Variants in DPYSL5 observed in about 807,000 individuals in gnomAD.
DPYSL5 encodes the protein dihydropyrimidinase-related protein 5.
In DPYSL5, 9 loss-of-function variants were observed where a neutral mutation model predicts 58.4. That is an observed-to-expected ratio of 0.15 (90% CI 0.09 to 0.27). The LOEUF (loss-of-function observed/expected upper bound fraction) is 0.27, where lower values mean the gene tolerates loss of function less well. Among genes scored for constraint, DPYSL5 ranks in the 10% least tolerant of loss-of-function variants. The pLI is 1.00. For synonymous variants in DPYSL5, 293 were observed against 301.9 expected (o/e 0.97, Z 0.31); for missense variants, 499 against 770.6 (o/e 0.65, Z 4.17).
chr2:26,852,756 AC>A (rs1449572789), intron 1 of DPYSL5, among the ~76,000 whole-genome samples: 1 of 152,204 alleles, frequency 6.6e-6, no homozygotes, highest in Non-Finnish European at 1.5e-5. Context: ...TTTTGCCATT[AC>A]TTTTAATGAC....
chr2:26,885,644 G>T (rs191912611), intron 1 of DPYSL5, among the ~76,000 whole-genome samples: 403 of 152,304 alleles, frequency 2.6e-3, no homozygotes, highest in African/African-American at 9.3e-3. Context: ...AGGACCCAGG[G>T]TGTCTCATGG....
chr2:26,941,870 G>C, intron 9 of DPYSL5, 80 bp from the exon 10 acceptor site: 2 of 1,586,888 alleles, frequency 1.3e-6, no homozygotes, highest in Non-Finnish European at 1.7e-6. Flanking sequence ...CTAAGTCCAT[G>C]GGCCAGCATC....
At chr2:26,901,401 C>CACCAAGATTTCCCCT (rs1268546968) in intron 2 of DPYSL5, among the ~76,000 whole-genome samples, 1 of 152,144 alleles carries the variant, frequency 6.6e-6, no homozygotes. Context: ...CTCCACTCCA[C>CACCAAGATTTCCCCT]ACCAAGATTT....
At chr2:26,861,025 C>T (rs1422719996) in intron 1 of DPYSL5, among the ~76,000 whole-genome samples, 1 of 152,162 alleles carries the variant, frequency 6.6e-6, no homozygotes, top group African/African-American at 2.4e-5. Flanking sequence ...CTGGCTCACC[C>T]TGTCAGAGAC....
In DPYSL5 at chr2:26,933,177, G is replaced by A. The variant is rs1665079306; in HGVS notation, c.715-81G>A. Reference sequence around the variant, plus strand: ...CGCAGGGGGAGGCGCTGGTGCCAGGGCTGACTTTGCCAGGGTTATTCTGAT... The same window carrying A: ...CGCAGGGGGAGGCGCTGGTGCCAGGACTGACTTTGCCAGGGTTATTCTGAT... On this transcript the variant is annotated intron_variant, in intron 6 of 12. Transcript: ENST00000288699. This position sits in a 1 kb window ranked among gnomAD's most constrained non-coding sequence, Gnocchi z 4.2. 2.3e-6 allele frequency: 3 copies of A among 1,324,186 alleles called. No individual in the cohort carries two copies. Among genetic ancestry groups the A allele is most frequent in the Non-Finnish European group, 3.3e-6 (3 of 916,924 alleles). The allele number at this position is 1,324,186 out of a possible 1,614,324, so 82.0% of individuals were successfully genotyped here. A position where few individuals can be genotyped will look rare whatever the true frequency, so the allele number is the denominator to read the frequency against.
chr2:26,914,908 G>A (rs2148149842), intron 2 of DPYSL5, among the ~76,000 whole-genome samples: 1 of 152,200 alleles, frequency 6.6e-6, no homozygotes, highest in Middle Eastern at 3.4e-3. Flanking sequence ...CTGTGCCTTG[G>A]TAAGAGGCTT....
At chr2:26,852,515 G>A (rs1399139838) in intron 1 of DPYSL5, among the ~76,000 whole-genome samples, 2 of 152,134 alleles carry the variant, frequency 1.3e-5, no homozygotes, top group Non-Finnish European at 2.9e-5. Context: ...TTTAAAATAA[G>A]CTGATTTAAC....
At chr2:26,912,035 G>A (rs1664452703) in intron 2 of DPYSL5, among the ~76,000 whole-genome samples, 2 of 152,234 alleles carry the variant, frequency 1.3e-5, no homozygotes, top group Non-Finnish European at 2.9e-5. Flanking sequence ...GGTTCTCACA[G>A]GACCTGAGGT....
rs114305953 is a variant in DPYSL5 at position 26,900,942 on chromosome 2, T to C, written c.261+2182T>C. Among the ~76,000 whole-genome samples the C allele has an allele frequency of 1.4e-3, 209 of 152,246 alleles. 1 individual carries two copies. Among genetic ancestry groups the C allele is most frequent in the African/African-American group, 4.9e-3 (202 of 41,554 alleles). On this transcript the variant is annotated intron_variant, in intron 2 of 12. Coordinates refer to ENST00000288699, the MANE Select transcript of DPYSL5 (RefSeq NM_020134.4). ...CACATTGTCATCTGCTAGGGCCTCA[T>C]TAGCCAAGAGCGACTGGTTTTCCCC...
intron 1 of DPYSL5, among the ~76,000 whole-genome samples, chr2:26,854,051 A>C (rs1188367510): frequency 2.0e-5 from 3 of 152,134 alleles, no homozygotes; most frequent in African/African-American, 7.2e-5. Context: ...AATTAAAAAA[A>C]AAATAAAGTC....
At chr2:26,915,882 G>T (rs1037411111) in intron 2 of DPYSL5, among the ~76,000 whole-genome samples, 2 of 152,072 alleles carry the variant, frequency 1.3e-5, no homozygotes, top group Non-Finnish European at 2.9e-5. Flanking sequence ...GGTCCCTCCA[G>T]CCTAATAGAT....
intron 1 of DPYSL5, among the ~76,000 whole-genome samples, chr2:26,882,908 T>TA (rs74378520): frequency 0.02 from 2,031 of 100,040 alleles, 39 homozygotes; most frequent in African/African-American, 0.048. Flanking sequence ...GAGACTATCT[T>TA]AAAAAAAAAA....
rs535828219 is a variant in DPYSL5, at chr2:26,897,825, G to A, written c.-4-671G>A. ...CAAATAAATCTGCATCTCTGGGGGTGGGGCTTGGGCATACATAGTTGTCCA... is the reference window on the plus strand; with the variant it reads ...CAAATAAATCTGCATCTCTGGGGGTAGGGCTTGGGCATACATAGTTGTCCA... On this transcript the variant is annotated intron_variant, in intron 1 of 12. Transcript: ENST00000288699. Among the ~76,000 whole-genome samples, 3 of 152,268 alleles carry A rather than the reference G, an allele frequency of 2.0e-5. No homozygotes were observed. The South Asian group carries it at 6.2e-4, about 32-fold the overall frequency.
At chr2:26,892,490 T>C (rs1663906505) in intron 1 of DPYSL5, among the ~76,000 whole-genome samples, 1 of 152,090 alleles carries the variant, frequency 6.6e-6, no homozygotes, top group South Asian at 2.1e-4. Context: ...TATGCAGCAA[T>C]TTTTCCAGCA....
intron 5 of DPYSL5, among the ~76,000 whole-genome samples, chr2:26,930,291 G>C (rs746346154): frequency 2.6e-5 from 4 of 152,106 alleles, no homozygotes; most frequent in Non-Finnish European, 4.4e-5. Context: ...AAAGAGCAAG[G>C]CTTTGGCTGT....
rs1356024317 is a variant in DPYSL5 at position 26,924,990 on chromosome 2, C to G, written c.365C>G (p.Pro122Arg). The part of the protein sequence containing the change: ...AYEKCRGLAD[P>R]KVCCDYALHV... ...GAGAAGTGCCGAGGTCTGGCCGACC[C>G]CAAGGTCTGCTGTGATTACGCCCTC... The change falls in exon 3 of 13, where the codon CCC becomes CGC. Residue 122 changes from proline to arginine, a missense_variant. By Grantham distance (103) the Pro-to-Arg change is moderately radical. Transcript: ENST00000288699. The surrounding 1 kb of genome is among the most constrained non-coding windows in gnomAD (Gnocchi z 4.7). The G allele has an allele frequency of 6.2e-7, 1 of 1,614,066 alleles. No individual in the cohort carries two copies. The highest frequency in any genetic ancestry group is 1.7e-5 in the Admixed American group (1 of 60,008).
chr2:26,937,865 C>T (rs1665221219), intron 8 of DPYSL5, among the ~76,000 whole-genome samples: 1 of 151,992 alleles, frequency 6.6e-6, no homozygotes, highest in South Asian at 2.1e-4. Flanking sequence ...CCTGCACCAC[C>T]GTGCCCAGCC....
rs1239794444 is a variant in DPYSL5 at position 26,924,993 on chromosome 2, A to G, written c.368A>G (p.Lys123Arg). Residue 123 changes from lysine (K) to arginine (R), a missense_variant, in exon 3 of 13, where the codon AAG becomes AGG. By Grantham distance (26) the Lys-to-Arg change is conservative. Around this residue, in one of 3 missense-constraint regions of DPYSL5, gnomAD observed 404 missense variants for 647.6 expected, o/e 0.62. Coordinates refer to ENST00000288699, the MANE Select transcript of DPYSL5 (RefSeq NM_020134.4). The surrounding 1 kb of genome is among the most constrained non-coding windows in gnomAD (Gnocchi z 4.7). ...AAGTGCCGAGGTCTGGCCGACCCCAAGGTCTGCTGTGATTACGCCCTCCAC... is the reference window on the plus strand; with the variant it reads ...AAGTGCCGAGGTCTGGCCGACCCCAGGGTCTGCTGTGATTACGCCCTCCAC... ...YEKCRGLADP[K>R]VCCDYALHVG... The G allele has an allele frequency of 1.2e-6, 2 of 1,614,028 alleles. No individual in the cohort carries two copies. Among genetic ancestry groups the G allele is most frequent in the Non-Finnish European group, 8.5e-7 (1 of 1,180,020 alleles).
chr2:26,916,134 C>T (rs933757646), intron 2 of DPYSL5, among the ~76,000 whole-genome samples: 4 of 152,138 alleles, frequency 2.6e-5, no homozygotes, highest in African/African-American at 7.2e-5. Context: ...AAACCTCCCC[C>T]GTTATTTATT....
Sources: gnomAD v4.1 joint callset for allele counts (sites outside exome capture counted in the v4.1 genomes callset) on GRCh38, gnomAD v4.1.1 for gene constraint, gnomAD v4.1.1 regional missense constraint, Gnocchi (gnomAD v3.1) non-coding constraint, MANE v1.5 for transcripts, NCBI Gene and HGNC (gene_info 2026-07-23, HGNC 2026-07-21) for gene names.